Variants in ATP11A observed in about 807,000 individuals in gnomAD.
ATP11A encodes the protein phospholipid-transporting ATPase IH.
A neutral mutation model predicts 154.4 loss-of-function variants in ATP11A; 81 were observed. The ratio of observed to expected loss-of-function variants is 0.52; its 90% CI spans 0.44 to 0.63. The LOEUF (loss-of-function observed/expected upper bound fraction) is 0.63, where lower values mean the gene tolerates loss of function less well. Among genes scored for constraint, ATP11A ranks in the 30% least tolerant of loss-of-function variants. The probability of loss-of-function intolerance (pLI) is 0.00; values close to 1 mark genes in which losing one functional copy is unlikely to be tolerated. For missense variants in ATP11A, 1,316 were observed against 1,474.3 expected, an observed-to-expected ratio of 0.89 and a Z score of 1.76; for synonymous variants, 623 against 585.9, an observed-to-expected ratio of 1.06 and a Z score of -0.91.
chr13:112,860,614 A>G, intron 24 of ATP11A, 200 bp downstream of exon 24: 1 of 601,312 alleles, frequency 1.7e-6, no homozygotes, highest in Non-Finnish European at 2.8e-6. Context: ...GTCTTGCTGG[A>G]TGGTTTATGC....
Position 112,859,310 on chromosome 13 carries a change from C to A in ATP11A, c.2668-83C>A. 9.1e-7 allele frequency: 1 copy of A among 1,098,048 alleles called. No individual in the cohort carries two copies. Among genetic ancestry groups the A allele is most frequent in the Non-Finnish European group, 1.4e-6 (1 of 710,086 alleles). 68.0% of individuals were successfully genotyped at this position (1,098,048 alleles called of 1,614,324 possible). On this transcript the variant is annotated intron_variant, in intron 22 of 29. Transcript: ENST00000375645. This position sits in a 1 kb window ranked among gnomAD's most constrained non-coding sequence, Gnocchi z 4.3. ...CTGGGTGCACGTGGATCCCTCCTCC[C>A]ATGTGGGGTGGGCCACGTCGGTAGG... is the stretch of plus-strand genomic sequence containing the variant.
chr13:112,691,963 C>T lies in ATP11A; in HGVS notation c.39+1508C>T, dbSNP rs574486197. On this transcript the variant is annotated intron_variant, in intron 1 of 29. Transcript: ENST00000375645. ...GATTCCGATGCTAGATCTTGAAAGGCTTGGCTCCAGGAGCCTTGTGTTACT... is the reference window on the plus strand; with the variant it reads ...GATTCCGATGCTAGATCTTGAAAGGTTTGGCTCCAGGAGCCTTGTGTTACT... 2.0e-5 allele frequency among the ~76,000 whole-genome samples: 3 copies of T among 152,272 alleles called. No homozygotes were observed. The South Asian group carries it at 6.2e-4, about 32-fold the overall frequency.
At chr13:112,811,296 G>C (rs1170849328) in intron 5 of ATP11A, among the ~76,000 whole-genome samples, 2 of 146,270 alleles carry the variant, frequency 1.4e-5, no homozygotes, top group African/African-American at 5.1e-5. Flanking sequence ...TCCCTCTGCC[G>C]GCATCCCATG....
intron 1 of ATP11A, among the ~76,000 whole-genome samples, chr13:112,740,393 T>C (rs1481347269): frequency 6.6e-6 from 1 of 152,054 alleles, no homozygotes; most frequent in Non-Finnish European, 1.5e-5. Context: ...AGGCTGGTCT[T>C]GAACTCCTGA....
rs187878186 is a variant in ATP11A, at chr13:112,807,635, A to G, written c.333+1342A>G. On this transcript the variant is annotated intron_variant, in intron 4 of 29. Coordinates refer to ENST00000375645, the MANE Select transcript of ATP11A (RefSeq NM_015205.3). This position sits in a 1 kb window ranked among gnomAD's most constrained non-coding sequence, Gnocchi z 4.5. Reference sequence around the variant, plus strand: ...TTTAAGCAAAACGATGGGTTTTCTCATCAACTTCACAAGGAAATGGTGCTG... The same window carrying G: ...TTTAAGCAAAACGATGGGTTTTCTCGTCAACTTCACAAGGAAATGGTGCTG... 2.0e-3 allele frequency among the ~76,000 whole-genome samples: 298 copies of G among 152,284 alleles called. No homozygotes were observed. The highest frequency in any genetic ancestry group is 3.4e-3 in the Non-Finnish European group (233 of 68,022).
chr13:112,693,144 T>A (rs968202837), intron 1 of ATP11A, among the ~76,000 whole-genome samples: 1 of 152,194 alleles, frequency 6.6e-6, no homozygotes, highest in African/African-American at 2.4e-5. Context: ...AGAGAACAGA[T>A]GAAGGTTAGG....
At chr13:112,852,761 A>G (rs2079803749) in intron 18 of ATP11A, among the ~76,000 whole-genome samples, 2 of 129,090 alleles carry the variant, frequency 1.5e-5, no homozygotes, top group Non-Finnish European at 3.1e-5. Context: ...AATGTAGAAG[A>G]GTGGAGAGTT....
chr13:112,811,753 T>C (rs1166377504), intron 5 of ATP11A: 1 of 152,142 alleles, frequency 6.6e-6, no homozygotes, highest in African/African-American at 2.4e-5. Flanking sequence ...TACAGGCGCC[T>C]GCCACCACAC....
chr13:112,767,930 C>G (rs2077135172), intron 1 of ATP11A, among the ~76,000 whole-genome samples: 1 of 152,102 alleles, frequency 6.6e-6, no homozygotes, highest in Non-Finnish European at 1.5e-5. Context: ...GCTGGGGAAC[C>G]CCCTCCGGCT....
intron 12 of ATP11A, among the ~76,000 whole-genome samples, chr13:112,828,326 C>T (rs2078996538): frequency 7.0e-6 from 1 of 142,434 alleles, no homozygotes; most frequent in African/African-American, 2.6e-5. Context: ...GGGAAAGCAC[C>T]CAGCAGTGTT....
intron 11 of ATP11A, 82 bp downstream of exon 11, chr13:112,825,662 C>A: frequency 6.8e-7 from 1 of 1,463,312 alleles, no homozygotes; most frequent in Non-Finnish European, 9.1e-7. Flanking sequence ...AAAAAGATGA[C>A]GGTGAATTTA....
At chr13:112,731,944 G>A (rs1044584626) in intron 1 of ATP11A, among the ~76,000 whole-genome samples, 4 of 143,956 alleles carry the variant, frequency 2.8e-5, no homozygotes, top group Non-Finnish European at 4.5e-5. Context: ...GGGCGGGGGG[G>A]GGCAGGTGGC....
chr13:112,870,238 A>C (rs934871382), intron 25 of ATP11A, among the ~76,000 whole-genome samples: 3 of 152,192 alleles, frequency 2.0e-5, no homozygotes, highest in Non-Finnish European at 4.4e-5. Context: ...TTTTTTCTAT[A>C]ATCTACAAAT....
At chr13:112,788,607 C>T (rs1009385211) in intron 2 of ATP11A, among the ~76,000 whole-genome samples, 2 of 151,654 alleles carry the variant, frequency 1.3e-5, no homozygotes, top group Admixed American at 6.6e-5. Context: ...CTGCGGAGAC[C>T]TACTTAATTC....
intron 5 of ATP11A, among the ~76,000 whole-genome samples, chr13:112,813,802 A>G (rs1376085154): frequency 6.6e-6 from 1 of 151,494 alleles, no homozygotes; most frequent in Non-Finnish European, 1.5e-5. Context: ...TATGTCCCTG[A>G]CGGCTCTGTG....
chr13:112,822,088 G>T (rs1309563691), intron 8 of ATP11A, among the ~76,000 whole-genome samples: 1 of 152,180 alleles, frequency 6.6e-6, no homozygotes, highest in Non-Finnish European at 1.5e-5. Flanking sequence ...TATTCAGTAG[G>T]TTCTTAATTT....
At chr13:112,774,028 C>T (rs1231602481) in intron 1 of ATP11A, among the ~76,000 whole-genome samples, 4 of 152,264 alleles carry the variant, frequency 2.6e-5, no homozygotes, top group Admixed American at 6.5e-5. Flanking sequence ...CGCTGCCTCC[C>T]TGCTTCCCGT....
chr13:112,883,065 G>A lies in ATP11A; in HGVS notation c.*1199G>A, dbSNP rs535835939. On this transcript the variant is annotated 3_prime_UTR_variant, in exon 30 of 30. Transcript: ENST00000375645. Reference sequence around the variant, plus strand: ...CCTCGTCCCCACATCCCCTTGCCCCGTCACCTCGTCCTCATGTCCCCTTGT... The same window carrying A: ...CCTCGTCCCCACATCCCCTTGCCCCATCACCTCGTCCTCATGTCCCCTTGT... 6.3e-4 allele frequency: 190 copies of A among 302,766 alleles called. No individual in the cohort carries two copies. The Admixed American group carries it at 0.012, about 19-fold the overall frequency. 18.8% of individuals were successfully genotyped at this position (302,766 alleles called of 1,614,324 possible).
chr13:112,816,452 G>C (rs1237793192), intron 6 of ATP11A, among the ~76,000 whole-genome samples: 1 of 152,056 alleles, frequency 6.6e-6, no homozygotes, highest in Non-Finnish European at 1.5e-5. Context: ...GATGTTATAA[G>C]ATACATATTT....
Sources: gnomAD v4.1 joint callset for allele counts (sites outside exome capture counted in the v4.1 genomes callset) on GRCh38, gnomAD v4.1.1 for gene constraint, Gnocchi (gnomAD v3.1) non-coding constraint, MANE v1.5 for transcripts, NCBI Gene and HGNC (gene_info 2026-07-23, HGNC 2026-07-21) for gene names.